The following TTL variants were observed in gnomAD, a reference collection of about 807,000 sequenced individuals.
TTL encodes tubulin--tyrosine ligase.
TTL carries 10 observed loss-of-function variants against 41.1 expected under a neutral mutation model. The observed-to-expected ratio is 0.24, with a 90% confidence interval of 0.15 to 0.41. TTL has a LOEUF of 0.41. Ranked by LOEUF, TTL falls within the 10% of genes least tolerant of loss-of-function variation. The pLI is 1.00. For missense variants in TTL, 367 were observed against 460.4 expected, an observed-to-expected ratio of 0.80 and a Z score of 1.86; for synonymous variants, 175 against 175.5, an observed-to-expected ratio of 1.00 and a Z score of 0.02.
At chr2:112,524,147 G>A (rs1463181837) in intron 6 of TTL, among the ~76,000 whole-genome samples, 5 of 152,150 alleles carry the variant, frequency 3.3e-5, no homozygotes, top group Non-Finnish European at 7.3e-5. Context: ...TGGCTGCATA[G>A]TATTCCATGG....
intron 5 of TTL, among the ~76,000 whole-genome samples, chr2:112,514,369 A>G (rs6718241): frequency 0.41 from 61,409 of 150,918 alleles, 12,746 homozygotes; most frequent in East Asian, 0.58. Flanking sequence ...GTGACAGAGC[A>G]AGACTCTGTT....
chr2:112,529,967 T>C lies in TTL; in HGVS notation c.*1172T>C, dbSNP rs76368236. The C allele has an allele frequency of 5.5e-3, 1,244 of 227,796 alleles. 15 individuals are homozygous for C. Among genetic ancestry groups the C allele is most frequent in the African/African-American group, 0.025 (1,137 of 45,186 alleles). The allele number at this position is 227,796 out of a possible 1,614,324, so 14.1% of individuals were successfully genotyped here. ...CCGCTTACTGGATTAACTAATACTT[T>C]ATAGGCTTTTCAGGAGGCCACATCA... On this transcript the variant is annotated 3_prime_UTR_variant, in exon 7 of 7. Coordinates refer to ENST00000233336, the MANE Select transcript of TTL (RefSeq NM_153712.5).
rs138598184 is a variant in TTL, at chr2:112,494,288, A to C, written c.382A>C (p.Arg128=). The C allele has an allele frequency of 4.1e-5, 66 of 1,614,234 alleles. No individual in the cohort carries two copies. In the African/African-American group the frequency reaches 7.3e-4, roughly 18 times the overall value. Reference sequence around the variant, plus strand: ...AATCAGTAACTCAAGGACAGATGAAAGAGAATTCTTTCTCGCCTCTTATAA... The same window carrying C: ...AATCAGTAACTCAAGGACAGATGAACGAGAATTCTTTCTCGCCTCTTATAA... ...PPISNSRTDE[R]EFFLASYNRK... Residue 128 remains arginine (R), a synonymous_variant, in exon 3 of 7, where the codon AGA becomes CGA. Coordinates refer to ENST00000233336, the MANE Select transcript of TTL (RefSeq NM_153712.5).
intron 2 of TTL, among the ~76,000 whole-genome samples, chr2:112,486,698 G>C (rs970823417): frequency 6.6e-6 from 1 of 152,176 alleles, no homozygotes; most frequent in Non-Finnish European, 1.5e-5. Flanking sequence ...GTTCACCCCA[G>C]CTCCTTCTCT....
At position 112,531,422 on chromosome 2, in the gene TTL, C is replaced by T. The variant is rs917675868; in HGVS notation, c.*2627C>T. On this transcript the variant is annotated 3_prime_UTR_variant, in exon 7 of 7. Transcript: ENST00000233336. ...CCATGAAAGAGATCATTGCCTGACC[C>T]AGGGACTACCTCAAGGGCTTTTGAT... is the stretch of plus-strand genomic sequence containing the variant. 1.7e-5 allele frequency: 4 copies of T among 229,488 alleles called. No individual in the cohort carries two copies. Among genetic ancestry groups the T allele is most frequent in the Admixed American group, 1.7e-4 (3 of 17,636 alleles). 14.2% of individuals were successfully genotyped at this position (229,488 alleles called of 1,614,324 possible). A position where few individuals can be genotyped will look rare whatever the true frequency, so the allele number is the denominator to read the frequency against.
intron 3 of TTL, among the ~76,000 whole-genome samples, chr2:112,496,681 G>GTC (rs1681536476): frequency 7.2e-6 from 1 of 137,940 alleles, no homozygotes. Flanking sequence ...GTGTGTGTGT[G>GTC]TGTGTGTGTG....
chr2:112,495,618 C>T (rs911702276), intron 3 of TTL, among the ~76,000 whole-genome samples: 3 of 152,254 alleles, frequency 2.0e-5, no homozygotes, highest in Admixed American at 6.5e-5. Flanking sequence ...GAAGCCGAGG[C>T]GGGCGGATCA....
At position 112,529,931 on chromosome 2, in the gene TTL, A is replaced by G. The variant is rs1222374835; in HGVS notation, c.*1136A>G. On this transcript the variant is annotated 3_prime_UTR_variant, in exon 7 of 7. Transcript: ENST00000233336. ...TAAATCTCAACAAATGTGTACTGTT[A>G]GAAGTGGCTTCCGCTTACTGGATTA... is the stretch of plus-strand genomic sequence containing the variant. 3 of 225,762 alleles carry G rather than the reference A, an allele frequency of 1.3e-5. No individual in the cohort carries two copies. The East Asian group carries it at 1.9e-4, about 14-fold the overall frequency. 14.0% of individuals were successfully genotyped at this position (225,762 alleles called of 1,614,324 possible).
chr2:112,526,287 T>C (rs1156960997), intron 6 of TTL, among the ~76,000 whole-genome samples: 4 of 152,208 alleles, frequency 2.6e-5, no homozygotes, highest in African/African-American at 9.6e-5. Context: ...GGTGTCAGGA[T>C]GATGCTGGCC....
chr2:112,494,021 T>TTA (rs1681461695), intron 2 of TTL, 122 bp from the exon 3 acceptor site: 3 of 698,134 alleles, frequency 4.3e-6, no homozygotes, highest in Non-Finnish European at 7.3e-6. Flanking sequence ...CAAATAGAGA[T>TTA]GTTAGAAGAC....
intron 2 of TTL, among the ~76,000 whole-genome samples, chr2:112,490,568 CT>C (rs35722764): frequency 0.035 from 3,838 of 110,660 alleles, 51 homozygotes; most frequent in African/African-American, 0.13. Flanking sequence ...CTTAGTAAAT[CT>C]TTTTTTTTTT....
rs1327790314 is a variant in TTL, at chr2:112,534,712, C to T, written c.*5917C>T. On this transcript the variant is annotated 3_prime_UTR_variant, in exon 7 of 7. Coordinates refer to ENST00000233336, the MANE Select transcript of TTL (RefSeq NM_153712.5). ...CCTAAGGTGGCTGTAACAGTTGGAACAAACAAACTGACCAAAAGACTTAGA... is the reference window on the plus strand; with the variant it reads ...CCTAAGGTGGCTGTAACAGTTGGAATAAACAAACTGACCAAAAGACTTAGA... 2 of 152,128 alleles carry T rather than the reference C, an allele frequency of 1.3e-5. No homozygotes were observed. The highest frequency in any genetic ancestry group is 1.3e-4 in the Admixed American group (2 of 15,270). The allele number at this position is 152,128 out of a possible 1,614,324, so 9.4% of individuals were successfully genotyped here.
chr2:112,525,271 C>T (rs62158577), intron 6 of TTL, among the ~76,000 whole-genome samples: 34,614 of 151,386 alleles, frequency 0.23, 4,304 homozygotes, highest in East Asian at 0.56. Flanking sequence ...CTTGGCAATG[C>T]GGGCTCTTTT....
intron 5 of TTL, among the ~76,000 whole-genome samples, chr2:112,503,780 T>C (rs1032020530): frequency 6.7e-6 from 1 of 148,292 alleles, no homozygotes; most frequent in Non-Finnish European, 1.5e-5. Context: ...GTCAGTCTAC[T>C]TCTCATTCTT....
intron 4 of TTL, among the ~76,000 whole-genome samples, chr2:112,501,582 T>C (rs1050875684): frequency 2.6e-5 from 4 of 152,080 alleles, no homozygotes; most frequent in Admixed American, 2.6e-4. Context: ...AAATATTCTT[T>C]TCTGGCTGGG....
At position 112,533,855 on chromosome 2, in the gene TTL, A is replaced by T. The variant is rs886460094; in HGVS notation, c.*5060A>T. ...CAGTCCCTGAAGGCAAAGGAAAATG[A>T]ACCCCTCTCCAATGCAATACATAGT... On this transcript the variant is annotated 3_prime_UTR_variant, in exon 7 of 7. Coordinates refer to ENST00000233336, the MANE Select transcript of TTL (RefSeq NM_153712.5). 7 of 152,248 alleles carry T rather than the reference A, an allele frequency of 4.6e-5. No individual in the cohort carries two copies. The highest frequency in any genetic ancestry group is 1.7e-4 in the African/African-American group (7 of 41,452). The allele number at this position is 152,248 out of a possible 1,614,324, so 9.4% of individuals were successfully genotyped here. A position where few individuals can be genotyped will look rare whatever the true frequency, so the allele number is the denominator to read the frequency against.
In TTL at chr2:112,503,189, A is replaced by G. The variant is rs2104459671; in HGVS notation, c.875+8A>G. The G allele has an allele frequency of 6.4e-7, 1 of 1,569,628 alleles. No homozygotes were observed. The highest frequency in any genetic ancestry group is 2.3e-5 in the East Asian group (1 of 44,380). ...AATCAAACATATAATAAGGTAACTT[A>G]ATTGTATCTTTTTGGATTACGTGTT... On this transcript the variant is annotated splice_region_variant and intron_variant, in intron 5 of 6. Coordinates refer to ENST00000233336, the MANE Select transcript of TTL (RefSeq NM_153712.5).
In TTL at chr2:112,533,007, C is replaced by T. The variant is rs937829953; in HGVS notation, c.*4212C>T. The T allele has an allele frequency of 6.6e-6, 1 of 152,240 alleles. No individual in the cohort carries two copies. Among genetic ancestry groups the T allele is most frequent in the Non-Finnish European group, 1.5e-5 (1 of 68,046 alleles). The allele number at this position is 152,240 out of a possible 1,614,324, so 9.4% of individuals were successfully genotyped here. On this transcript the variant is annotated 3_prime_UTR_variant, in exon 7 of 7. Transcript: ENST00000233336. ...TTAAATACCTATAAACCTCACACACCTGAGATGCTTAGTCTTGTGGATAGA... is the reference window on the plus strand; with the variant it reads ...TTAAATACCTATAAACCTCACACACTTGAGATGCTTAGTCTTGTGGATAGA...
At chr2:112,492,073 CATA>C (rs1368837938) in intron 2 of TTL, among the ~76,000 whole-genome samples, 2 of 152,126 alleles carry the variant, frequency 1.3e-5, no homozygotes, top group African/African-American at 2.4e-5. Flanking sequence ...GTAAACATAT[CATA>C]ATGTTTCATC....
Sources: allele counts gnomAD v4.1 joint callset (sites outside exome capture counted in the v4.1 genomes callset), GRCh38; gene constraint gnomAD v4.1.1; transcripts MANE v1.5; gene names NCBI Gene and HGNC (gene_info 2026-07-23, HGNC 2026-07-21).